KCNH8: variants seen among roughly 807,000 people sequenced by gnomAD.
KCNH8 encodes the protein voltage-gated delayed rectifier potassium channel KCNH8.
Under a neutral mutation model 103.6 loss-of-function variants are expected in KCNH8, and 70 were observed. The observed-to-expected ratio is 0.68, with a 90% CI of 0.56 to 0.82. KCNH8 has a LOEUF of 0.82. KCNH8 is among the 40% of genes least tolerant of loss of function. KCNH8 has a pLI of 0.00. For missense variants in KCNH8, 1,217 were observed against 1,329.9 expected, an observed-to-expected ratio of 0.92 and a Z score of 1.32; for synonymous variants, 498 against 489.4, an observed-to-expected ratio of 1.02 and a Z score of -0.23.
intron 1 of KCNH8, among the ~76,000 whole-genome samples, chr3:19,218,209 A>G (rs917576134): frequency 5.9e-5 from 9 of 152,194 alleles, no homozygotes; most frequent in African/African-American, 2.2e-4. Flanking sequence ...TCCACTAATC[A>G]TAATGAACCC....
chr3:19,296,811 CCAAA>C (rs1323381988), intron 3 of KCNH8, among the ~76,000 whole-genome samples: 2 of 151,746 alleles, frequency 1.3e-5, no homozygotes, highest in African/African-American at 2.4e-5. Context: ...ATTCATGTAA[CCAAA>C]CACCACCTGT....
intron 1 of KCNH8, among the ~76,000 whole-genome samples, chr3:19,156,621 AT>A (rs538155093): frequency 1.2e-4 from 18 of 149,542 alleles, no homozygotes; most frequent in African/African-American, 3.6e-4. Flanking sequence ...TCTAGTGTCC[AT>A]TTTTTTTAAA....
At chr3:19,341,146 GCA>G (rs2065654424) in intron 3 of KCNH8, among the ~76,000 whole-genome samples, 1 of 152,100 alleles carries the variant, frequency 6.6e-6, no homozygotes, top group African/African-American at 2.4e-5. Flanking sequence ...GGGGCTGCAT[GCA>G]CAGTGTGTTT....
At chr3:19,459,820 GA>G (rs371677408) in intron 11 of KCNH8, among the ~76,000 whole-genome samples, 110 of 152,064 alleles carry the variant, frequency 7.2e-4, no homozygotes, top group African/African-American at 2.5e-3. Flanking sequence ...TGTGGAAAAG[GA>G]ATTTTTATCT....
chr3:19,197,423 A>T (rs533930940), intron 1 of KCNH8, among the ~76,000 whole-genome samples: 1 of 152,116 alleles, frequency 6.6e-6, no homozygotes, highest in Admixed American at 6.6e-5. Flanking sequence ...CCCCAAATCT[A>T]TCTGGCATTG....
intron 4 of KCNH8, among the ~76,000 whole-genome samples, chr3:19,345,597 C>G (rs1371300956): frequency 1.3e-5 from 2 of 151,986 alleles, no homozygotes; most frequent in Non-Finnish European, 2.9e-5. Flanking sequence ...CCCCTACTTC[C>G]TGCTAAAAAG....
chr3:19,434,730 A>G (rs750976798), intron 7 of KCNH8, among the ~76,000 whole-genome samples: 3 of 152,166 alleles, frequency 2.0e-5, no homozygotes, highest in Non-Finnish European at 4.4e-5. Flanking sequence ...TTTGCATTTG[A>G]CACTTCTTAA....
At chr3:19,217,616 G>A (rs1342455852) in intron 1 of KCNH8, among the ~76,000 whole-genome samples, 2 of 152,026 alleles carry the variant, frequency 1.3e-5, no homozygotes, top group African/African-American at 4.8e-5. Context: ...CTGTGTTACA[G>A]ATATGTAAAC....
intron 11 of KCNH8, among the ~76,000 whole-genome samples, chr3:19,459,860 A>G (rs1006184519): frequency 1.3e-5 from 2 of 152,038 alleles, no homozygotes; most frequent in South Asian, 2.1e-4. Flanking sequence ...TTCTTTTTCT[A>G]TCTTCTAGAA....
chr3:19,365,305 A>G (rs935304140), intron 5 of KCNH8, among the ~76,000 whole-genome samples: 1 of 152,126 alleles, frequency 6.6e-6, no homozygotes, highest in African/African-American at 2.4e-5. Flanking sequence ...GTCTGCTTCC[A>G]TTTTAAATCT....
chr3:19,354,490 G>C (rs2065850501), intron 5 of KCNH8, among the ~76,000 whole-genome samples: 2 of 152,060 alleles, frequency 1.3e-5, no homozygotes, highest in African/African-American at 4.8e-5. Flanking sequence ...ATACTACAAG[G>C]CTACAGTAAC....
At chr3:19,533,261 A>G in intron 15 of KCNH8, 134 bp from the exon 16 acceptor site, 1 of 644,920 alleles carries the variant, frequency 1.6e-6, no homozygotes. Context: ...AGCAAATGCT[A>G]AAATGTTTAA....
At chr3:19,466,649 A>ATTTTT (rs869048680) in intron 11 of KCNH8, among the ~76,000 whole-genome samples, 7 of 50,642 alleles carry the variant, frequency 1.4e-4, no homozygotes, top group Non-Finnish European at 2.3e-4. Flanking sequence ...GTAGCAATAC[A>ATTTTT]TTTTTTTTTT....
chr3:19,299,358 A>G (rs2065035367), intron 3 of KCNH8, among the ~76,000 whole-genome samples: 1 of 152,122 alleles, frequency 6.6e-6, no homozygotes, highest in East Asian at 1.9e-4. Context: ...AATCAGGAAC[A>G]GTGGCTCCCG....
intron 11 of KCNH8, among the ~76,000 whole-genome samples, chr3:19,502,688 ATT>A (rs1257804509): frequency 2.7e-5 from 4 of 150,572 alleles, no homozygotes; most frequent in East Asian, 1.9e-4. Flanking sequence ...AGGATTCCCT[ATT>A]TAATAAATGG....
intron 3 of KCNH8, among the ~76,000 whole-genome samples, chr3:19,332,429 T>C (rs1481118770): frequency 6.6e-6 from 1 of 152,182 alleles, no homozygotes; most frequent in African/African-American, 2.4e-5. Flanking sequence ...TTGTTTATTC[T>C]TTTTTAAGTC....
Position 19,498,371 on chromosome 3 carries a change from ATGTT to A in KCNH8, c.2041-11978_2041-11975del, listed in dbSNP as rs375876756. ...TAAGTGTGTTTTTGTAGTGGCTGGT[ATGTT>A]TGTTTGTTTGTTTTTCTTTCCATGT... On this transcript the variant is annotated intron_variant, in intron 11 of 15. Transcript: ENST00000328405. Among the ~76,000 whole-genome samples the A allele has an allele frequency of 2.6e-3, 400 of 151,940 alleles. 1 individual carries two copies. Among genetic ancestry groups the A allele is most frequent in the African/African-American group, 7.9e-3 (329 of 41,440 alleles).
chr3:19,235,405 C>T (rs753125941), intron 1 of KCNH8, among the ~76,000 whole-genome samples: 4 of 152,128 alleles, frequency 2.6e-5, no homozygotes, highest in Non-Finnish European at 4.4e-5. Flanking sequence ...TACATGTGCA[C>T]TCCAGAATTA....
At chr3:19,492,830 CGTGTGTGTGTGTGT>C (rs67383228) in intron 11 of KCNH8, among the ~76,000 whole-genome samples, 2,617 of 123,472 alleles carry the variant, frequency 0.021, 65 homozygotes, top group African/African-American at 0.052. Context: ...AATGTTTTTT[CGTGTGTGTGTGTGT>C]GTGTGTGTGT....
Sources: allele counts gnomAD v4.1 joint callset (sites outside exome capture counted in the v4.1 genomes callset), GRCh38; gene constraint gnomAD v4.1.1; transcripts MANE v1.5; gene names NCBI Gene and HGNC (gene_info 2026-07-23, HGNC 2026-07-21).